Variants in HIPK2 observed in about 807,000 individuals in gnomAD.
HIPK2 encodes the protein homeodomain interacting protein kinase 2.
Under a neutral mutation model 113.7 loss-of-function variants are expected in HIPK2, and 27 were observed. The observed-to-expected ratio is 0.24, with a 90% CI of 0.17 to 0.33. The LOEUF is 0.33. Among genes scored for constraint, HIPK2 ranks in the 10% least tolerant of loss-of-function variants. The pLI is 1.00. For synonymous variants in HIPK2, 631 were observed against 642.2 expected, an observed-to-expected ratio of 0.98 and a Z score of 0.26; for missense variants, 1,257 against 1,588.0, an observed-to-expected ratio of 0.79 and a Z score of 3.54.
At chr7:139,692,911 T>G (rs2116795344) in intron 2 of HIPK2, among the ~76,000 whole-genome samples, 1 of 152,334 alleles carries the variant, frequency 6.6e-6, no homozygotes, top group African/African-American at 2.4e-5. Context: ...GCCAGGTCGT[T>G]TGGTTCCTAT....
intron 1 of HIPK2, among the ~76,000 whole-genome samples, chr7:139,768,821 C>T (rs901088660): frequency 4.6e-5 from 7 of 152,144 alleles, no homozygotes; most frequent in African/African-American, 7.2e-5. Context: ...AAGCTCCACT[C>T]GGCATTCTGG....
chr7:139,703,702 A>AC (rs1236199691), intron 2 of HIPK2, among the ~76,000 whole-genome samples: 144,424 of 145,982 alleles, frequency 0.99, 71,433 homozygotes, highest in Admixed American at 0.99. Flanking sequence ...CAACACATAC[A>AC]CCCCTCCACA....
intron 2 of HIPK2, among the ~76,000 whole-genome samples, chr7:139,644,161 GT>G (rs1205395173): frequency 1.3e-5 from 2 of 152,002 alleles, no homozygotes; most frequent in East Asian, 3.8e-4. Context: ...CTTTTTAAAT[GT>G]TTTTATCTTT....
intron 11 of HIPK2, 81 bp downstream of exon 11, chr7:139,600,336 G>A (rs1423329412): frequency 6.8e-7 from 1 of 1,472,550 alleles, no homozygotes; most frequent in African/African-American, 1.4e-5. Context: ...CAGAGTGGGT[G>A]CTGATACTCC....
Position 139,586,648 on chromosome 7 carries a change from T to C in HIPK2, c.2718-2584A>G, listed in dbSNP as rs145025403. Among the ~76,000 whole-genome samples, 748 of 152,030 alleles carry C rather than the reference T, an allele frequency of 4.9e-3. 7 individuals carry two copies. Among genetic ancestry groups the C allele is most frequent in the African/African-American group, 0.017 (701 of 41,468 alleles). On this transcript the variant is annotated intron_variant, in intron 12 of 14. Transcript: ENST00000406875. ...AGCAAAGTATGGTGGTGCATGCCTGTAGTCCCAGCTGTTTGGGAGGCTGAG... is the reference window on the plus strand; with the variant it reads ...AGCAAAGTATGGTGGTGCATGCCTGCAGTCCCAGCTGTTTGGGAGGCTGAG...
chr7:139,579,068 G>A (rs990228063), intron 13 of HIPK2, among the ~76,000 whole-genome samples: 1 of 152,200 alleles, frequency 6.6e-6, no homozygotes, highest in African/African-American at 2.4e-5. Flanking sequence ...CCCTAGGAGA[G>A]GAAAGATGAA....
chr7:139,600,106 C>A (rs1262829114), intron 11 of HIPK2, among the ~76,000 whole-genome samples: 1 of 152,162 alleles, frequency 6.6e-6, no homozygotes, highest in African/African-American at 2.4e-5. Flanking sequence ...CACCCCCCAA[C>A]CCTGCCTTGG....
Position 139,738,112 on chromosome 7 carries a change from C to T in HIPK2, c.20-21097G>A, listed in dbSNP as rs1795990478. ...CTGTTTTATACATGTTCCCTGAGTA[C>T]AGACCAGCAGATCTGGGCTCACAAA... On this transcript the variant is annotated intron_variant, in intron 1 of 14. Coordinates refer to ENST00000406875, the MANE Select transcript of HIPK2 (RefSeq NM_022740.5). Among the ~76,000 whole-genome samples the T allele has an allele frequency of 3.3e-5, 5 of 152,358 alleles. No individual in the cohort carries two copies. In the South Asian group the frequency reaches 8.3e-4, roughly 25 times the overall value.
intron 2 of HIPK2, among the ~76,000 whole-genome samples, chr7:139,699,520 T>C (rs1794650796): frequency 6.6e-6 from 1 of 152,148 alleles, no homozygotes; most frequent in Non-Finnish European, 1.5e-5. Context: ...TTACGTTTTG[T>C]CCAGGAGAAG....
intron 2 of HIPK2, among the ~76,000 whole-genome samples, chr7:139,705,823 T>C (rs1318316126): frequency 3.4e-5 from 5 of 145,840 alleles, no homozygotes; most frequent in Admixed American, 6.8e-5. Flanking sequence ...ATGAAAAGAT[T>C]AGTAAAAAAA....
intron 2 of HIPK2, among the ~76,000 whole-genome samples, chr7:139,663,361 A>G (rs1801932674): frequency 6.6e-6 from 1 of 152,218 alleles, no homozygotes; most frequent in Admixed American, 6.5e-5. Flanking sequence ...GCTCAGGGGC[A>G]GCAGTGCAAT....
chr7:139,764,005 T>C (rs1419838544), intron 1 of HIPK2, among the ~76,000 whole-genome samples: 1 of 152,226 alleles, frequency 6.6e-6, no homozygotes, highest in Non-Finnish European at 1.5e-5. Flanking sequence ...AAGTGCTGCT[T>C]AGTGCTCCTA....
At chr7:139,703,346 C>T (rs1448206027) in intron 2 of HIPK2, among the ~76,000 whole-genome samples, 1 of 152,158 alleles carries the variant, frequency 6.6e-6, no homozygotes, top group Non-Finnish European at 1.5e-5. Context: ...CGGACATCAT[C>T]TGGCTCTCTT....
rs573886146 is a variant in HIPK2, at chr7:139,582,712, C to A, written c.2965+1105G>T. ...CGCAAGCCTGTGGCTGTCACCATCT[C>A]CCCTTTAGGCAGAGCCTCTCAGCAA... On this transcript the variant is annotated intron_variant, in intron 13 of 14. Transcript: ENST00000406875. Among the ~76,000 whole-genome samples, 71 of 152,366 alleles carry A rather than the reference C, an allele frequency of 4.7e-4. 1 individual carries two copies. The highest frequency in any genetic ancestry group is 1.6e-3 in the African/African-American group (66 of 41,590).
Position 139,651,054 on chromosome 7 carries a change from T to C in HIPK2, c.1104-19329A>G, listed in dbSNP as rs538945618. ...TTCGTTATGCAGTGACAGATACTGA[T>C]TGGGCGTCTCTAAGAGGGGAGGGAG... On this transcript the variant is annotated intron_variant, in intron 2 of 14. Coordinates refer to ENST00000406875, the MANE Select transcript of HIPK2 (RefSeq NM_022740.5). 4.6e-5 allele frequency among the ~76,000 whole-genome samples: 7 copies of C among 152,332 alleles called. No individual in the cohort carries two copies. In the South Asian group the frequency reaches 1.0e-3, roughly 23 times the overall value.
chr7:139,609,789 GAC>G (rs1379110592), intron 9 of HIPK2, among the ~76,000 whole-genome samples: 1 of 152,104 alleles, frequency 6.6e-6, no homozygotes, highest in Non-Finnish European at 1.5e-5. Context: ...CTGACAAAAA[GAC>G]ACAACACGAT....
intron 2 of HIPK2, among the ~76,000 whole-genome samples, chr7:139,701,946 G>A (rs1195057378): frequency 6.6e-6 from 1 of 152,152 alleles, no homozygotes; most frequent in East Asian, 1.9e-4. Context: ...AGTGGCAGAG[G>A]GGCAGGCTGG....
chr7:139,705,320 T>A (rs1371100321), intron 2 of HIPK2, among the ~76,000 whole-genome samples: 1 of 151,852 alleles, frequency 6.6e-6, no homozygotes, highest in Non-Finnish European at 1.5e-5. Flanking sequence ...TCTCATTCAG[T>A]CCCTACCAAC....
intron 10 of HIPK2, among the ~76,000 whole-genome samples, chr7:139,601,136 C>T (rs1409440690): frequency 2.6e-5 from 4 of 151,614 alleles, no homozygotes; most frequent in Non-Finnish European, 4.4e-5. Context: ...CCCAGCTACT[C>T]GGGAGGCTGA....
Sources: gnomAD v4.1 joint callset for allele counts (sites outside exome capture counted in the v4.1 genomes callset) on GRCh38, gnomAD v4.1.1 for gene constraint, MANE v1.5 for transcripts, NCBI Gene and HGNC (gene_info 2026-07-23, HGNC 2026-07-21) for gene names.